VWA8: variants seen among roughly 807,000 people sequenced by gnomAD.
VWA8 encodes von Willebrand factor A domain containing 8.
In VWA8, 221 loss-of-function variants were observed where a neutral mutation model predicts 241.5. That is an observed-to-expected ratio of 0.91 (90% CI 0.82 to 1.02). The LOEUF (loss-of-function observed/expected upper bound fraction) is 1.02. VWA8 is among the 50% of genes least tolerant of loss of function. VWA8 has a pLI of 0.00. For synonymous variants in VWA8, 852 were observed against 827.1 expected (o/e 1.03, Z -0.52); for missense variants, 2,322 against 2,328.7 (o/e 1.00, Z 0.06).
intron 12 of VWA8, among the ~76,000 whole-genome samples, chr13:41,864,201 T>C: frequency 6.6e-6 from 1 of 150,658 alleles, no homozygotes; most frequent in East Asian, 1.9e-4. Flanking sequence ...ATTGGAACCA[T>C]TGTGCATTGT....
At chr13:41,865,872 A>T in intron 11 of VWA8, 30 bp downstream of exon 11, 1 of 1,614,196 alleles carries the variant, frequency 6.2e-7, no homozygotes, top group South Asian at 1.1e-5. Context: ...CCAGGAAACT[A>T]AAAGTCTGCA....
chr13:41,770,977 G>A (rs578113468), intron 20 of VWA8, among the ~76,000 whole-genome samples: 9 of 147,328 alleles, frequency 6.1e-5, no homozygotes, highest in Non-Finnish European at 1.3e-4. Context: ...AGAAATGATT[G>A]TGAATTATTA....
intron 20 of VWA8, among the ~76,000 whole-genome samples, chr13:41,769,399 AATAG>A (rs1279767623): frequency 6.6e-6 from 1 of 152,256 alleles, no homozygotes; most frequent in Non-Finnish European, 1.5e-5. Flanking sequence ...GTGTTGGGAG[AATAG>A]ATAAAGCAAG....
intron 37 of VWA8, among the ~76,000 whole-genome samples, chr13:41,642,562 C>CAAAAAAA (rs1156882566): frequency 3.2e-5 from 2 of 61,542 alleles, no homozygotes; most frequent in Non-Finnish European, 6.7e-5. Context: ...CCGTCTCAAA[C>CAAAAAAA]AAAAAAAAAA....
intron 2 of VWA8, among the ~76,000 whole-genome samples, chr13:41,921,632 G>C (rs564717838): frequency 6.6e-6 from 1 of 152,038 alleles, no homozygotes; most frequent in Admixed American, 6.6e-5. Flanking sequence ...CAAGCATTCC[G>C]ATACACCAAT....
Position 41,833,548 on chromosome 13 carries a change from C to T in VWA8, c.1426-17G>A, listed in dbSNP as rs1289541036. 6.3e-7 allele frequency: 1 copy of T among 1,587,576 alleles called. No individual in the cohort carries two copies. Among genetic ancestry groups the T allele is most frequent in the South Asian group, 1.2e-5 (1 of 86,874 alleles). On this transcript the variant is annotated splice_polypyrimidine_tract_variant and intron_variant, in intron 12 of 44. Coordinates refer to ENST00000379310, the MANE Select transcript of VWA8 (RefSeq NM_015058.2). ...TGTCATATCCTAAAACAAATCCCCA[C>T]CACCCAACAAAGAACATGACGAATT... is the stretch of plus-strand genomic sequence containing the variant.
intron 37 of VWA8, among the ~76,000 whole-genome samples, chr13:41,647,833 T>C (rs940899094): frequency 1.4e-4 from 21 of 151,954 alleles, no homozygotes; most frequent in Admixed American, 1.4e-3. Flanking sequence ...CTACTAAAAA[T>C]ACAAAAATTA....
chr13:41,690,061 T>C, intron 33 of VWA8, 105 bp downstream of exon 33: 1 of 969,262 alleles, frequency 1.0e-6, no homozygotes, highest in Non-Finnish European at 1.5e-6. Flanking sequence ...TCTTTTGGTG[T>C]AAACTTAACA....
intron 21 of VWA8, among the ~76,000 whole-genome samples, chr13:41,755,433 T>A (rs1420408726): frequency 1.3e-5 from 2 of 152,024 alleles, no homozygotes; most frequent in African/African-American, 2.4e-5. Flanking sequence ...TTATTTGTAA[T>A]ACTATTATCA....
intron 12 of VWA8, among the ~76,000 whole-genome samples, chr13:41,856,272 A>C (rs192954250): frequency 7.4e-4 from 113 of 152,298 alleles, no homozygotes; most frequent in African/African-American, 2.7e-3. Context: ...GGAGGCAGAC[A>C]CTACAGTGAG....
chr13:41,590,513 T>TA (rs71298963), intron 41 of VWA8, 127 bp downstream of exon 41: 12 of 958,372 alleles, frequency 1.3e-5, no homozygotes, highest in African/African-American at 6.6e-5. Flanking sequence ...TTTTTTTTTT[T>TA]AACATAATGC....
At chr13:41,947,351 G>A (rs1272981161) in intron 2 of VWA8, among the ~76,000 whole-genome samples, 1 of 152,226 alleles carries the variant, frequency 6.6e-6, no homozygotes, top group African/African-American at 2.4e-5. Context: ...GGCATGAGAT[G>A]AGACTAAGAT....
chr13:41,960,926 C>T lies in VWA8; in HGVS notation c.90G>A (p.Val30=). 1 of 1,494,336 alleles carries T rather than the reference C, an allele frequency of 6.7e-7. No homozygotes were observed. The highest frequency in any genetic ancestry group is 8.9e-7 in the Non-Finnish European group (1 of 1,129,308). The allele number at this position is 1,494,336 out of a possible 1,614,324, so 92.6% of individuals were successfully genotyped here. The change falls in exon 1 of 45, where the codon GTG becomes GTA. Residue 30 remains valine (V), a synonymous_variant. Coordinates refer to ENST00000379310, the MANE Select transcript of VWA8 (RefSeq NM_015058.2). The stretch of plus-strand genomic sequence containing the variant: ...GCCTGTCGCCACCCGGCCTGCGCTG[C>T]ACCACCTGCCGCAGGAGCAGCCGCA... ...RRMRLLLRQV[V]QRRPGGDRQR... is the part of the protein sequence containing the mutation.
At chr13:41,640,962 T>A (rs1025767905) in intron 37 of VWA8, among the ~76,000 whole-genome samples, 2 of 151,932 alleles carry the variant, frequency 1.3e-5, no homozygotes, top group Non-Finnish European at 2.9e-5. Flanking sequence ...ACGAAGAGGA[T>A]GAGATAAAAA....
intron 26 of VWA8, among the ~76,000 whole-genome samples, chr13:41,707,822 T>C (rs945822281): frequency 4.6e-5 from 7 of 152,280 alleles, no homozygotes; most frequent in Admixed American, 3.9e-4. Flanking sequence ...AAATCCTTCT[T>C]ATTCCCAAGT....
chr13:41,633,579 T>C (rs529828604), intron 37 of VWA8, among the ~76,000 whole-genome samples: 37 of 152,334 alleles, frequency 2.4e-4, no homozygotes, highest in African/African-American at 8.9e-4. Flanking sequence ...TTTTGAAACA[T>C]TCTTTTAATT....
chr13:41,804,187 C>T (rs1870082766), intron 17 of VWA8, among the ~76,000 whole-genome samples: 1 of 152,026 alleles, frequency 6.6e-6, no homozygotes, highest in Non-Finnish European at 1.5e-5. Flanking sequence ...TCCAGTACAA[C>T]AAGGTTATAG....
chr13:41,789,518 G>C (rs912014165), intron 17 of VWA8, among the ~76,000 whole-genome samples: 8 of 152,060 alleles, frequency 5.3e-5, no homozygotes, highest in African/African-American at 1.9e-4. Context: ...TTGGTTATAA[G>C]AAAAACTAAA....
At chr13:41,733,650 G>T (rs1278664961) in intron 21 of VWA8, among the ~76,000 whole-genome samples, 1 of 152,034 alleles carries the variant, frequency 6.6e-6, no homozygotes, top group African/African-American at 2.4e-5. Context: ...ACCTTTTGTA[G>T]AGCAGCTTAG....
Sources: gnomAD v4.1 joint callset for allele counts (sites outside exome capture counted in the v4.1 genomes callset) on GRCh38, gnomAD v4.1.1 for gene constraint, MANE v1.5 for transcripts, NCBI Gene and HGNC (gene_info 2026-07-23, HGNC 2026-07-21) for gene names.